Variants in MAGI1 observed in about 807,000 individuals in gnomAD.
MAGI1 encodes the protein membrane associated guanylate kinase, WW and PDZ domain containing 1.
MAGI1 carries 58 observed loss-of-function variants against 139.9 expected under a neutral mutation model. The ratio of observed to expected loss-of-function variants is 0.41; its 90% confidence interval spans 0.34 to 0.52. The LOEUF is 0.52. Among genes scored for constraint, MAGI1 ranks in the 20% least tolerant of loss-of-function variants. The pLI, the probability that MAGI1 is intolerant of heterozygous loss-of-function variation, is 0.12. For missense variants in MAGI1, 1,874 were observed against 1,901.6 expected, an observed-to-expected ratio of 0.99 and a Z score of 0.27; for synonymous variants, 812 against 737.9, an observed-to-expected ratio of 1.10 and a Z score of -1.63.
intron 12 of MAGI1, among the ~76,000 whole-genome samples, chr3:65,426,152 T>G (rs922207029): frequency 7.2e-5 from 11 of 151,922 alleles, no homozygotes; most frequent in African/African-American, 2.7e-4. Flanking sequence ...AGCAGGGAGA[T>G]GTTGATGAAG....
chr3:65,533,271 G>C (rs146259232), intron 2 of MAGI1, among the ~76,000 whole-genome samples: 127 of 152,270 alleles, frequency 8.3e-4, no homozygotes, highest in African/African-American at 3.0e-3. Flanking sequence ...CACTGTGGTA[G>C]ACACTGGAGA....
chr3:65,814,114 A>C (rs762122801), intron 1 of MAGI1, among the ~76,000 whole-genome samples: 17 of 152,154 alleles, frequency 1.1e-4, no homozygotes, highest in Non-Finnish European at 2.5e-4. Context: ...GTGGCACCCC[A>C]GTATCTAGTA....
chr3:65,673,677 C>G (rs2107476104), intron 1 of MAGI1, among the ~76,000 whole-genome samples: 1 of 152,314 alleles, frequency 6.6e-6, no homozygotes, highest in South Asian at 2.1e-4. Flanking sequence ...TTCTCTGAAA[C>G]AACAGTCATT....
chr3:65,385,303 TA>T (rs1943357820), intron 14 of MAGI1, among the ~76,000 whole-genome samples: 1 of 152,168 alleles, frequency 6.6e-6, no homozygotes, highest in South Asian at 2.1e-4. Context: ...AATGTATACA[TA>T]GGGTGTTTTA....
chr3:65,510,611 A>T (rs2107748948), intron 2 of MAGI1, among the ~76,000 whole-genome samples: 1 of 126,076 alleles, frequency 7.9e-6, no homozygotes, highest in East Asian at 2.3e-4. Flanking sequence ...AGAAAAAAGA[A>T]TAAAAAGAAA....
In MAGI1 at chr3:65,627,987, C is replaced by T. The variant is rs1048353489; in HGVS notation, c.314-5899G>A. Among the ~76,000 whole-genome samples the T allele has an allele frequency of 5.9e-5, 9 of 152,154 alleles. No individual in the cohort carries two copies. The East Asian group carries it at 1.7e-3, about 29-fold the overall frequency. On this transcript the variant is annotated intron_variant, in intron 1 of 22. Coordinates refer to ENST00000402939, the MANE Select transcript of MAGI1 (RefSeq NM_001033057.2). Reference sequence around the variant, plus strand: ...TAAAATAAACCACAATTTATTTATCCTTCATAGAAAATTAAGCTATTTCCA... The same window carrying T: ...TAAAATAAACCACAATTTATTTATCTTTCATAGAAAATTAAGCTATTTCCA...
At chr3:65,865,593 C>G (rs193019516) in intron 1 of MAGI1, among the ~76,000 whole-genome samples, 429 of 152,254 alleles carry the variant, frequency 2.8e-3, no homozygotes, top group Middle Eastern at 0.027. Context: ...GAGATCCTGT[C>G]TCAAAAAATA....
chr3:65,385,965 A>G (rs1198307273), intron 14 of MAGI1, among the ~76,000 whole-genome samples: 4 of 152,226 alleles, frequency 2.6e-5, no homozygotes, highest in African/African-American at 9.6e-5. Context: ...TTACTGAAAT[A>G]GACCACTGGT....
At chr3:65,548,714 G>C (rs1269370651) in intron 2 of MAGI1, among the ~76,000 whole-genome samples, 1 of 151,718 alleles carries the variant, frequency 6.6e-6, no homozygotes, top group Non-Finnish European at 1.5e-5. Context: ...ATAGAGAGGG[G>C]GTTTCATCAT....
intron 1 of MAGI1, among the ~76,000 whole-genome samples, chr3:66,003,303 C>T (rs565362130): frequency 6.2e-4 from 95 of 152,252 alleles, no homozygotes; most frequent in Admixed American, 6.1e-3. Flanking sequence ...ACCACAGCAA[C>T]TGCAATTCAG....
rs773908957 is a variant in MAGI1 at position 66,038,015 on chromosome 3, G to A, written c.294C>T (p.Thr98=). ...GVIDSCKEAV[T]FKAVRQGGRL... is the part of the protein sequence containing the mutation. ...CCTTACCTTGTCTGACGGCCTTGAA[G>A]GTGACGGCCTCCTTGCAGCTGTCGA... The change falls in exon 1 of 23, where the codon ACC becomes ACT. Residue 98 remains threonine (T), a synonymous_variant. Transcript: ENST00000402939. 9 of 1,594,306 alleles carry A rather than the reference G, an allele frequency of 5.6e-6. No individual in the cohort carries two copies. Among genetic ancestry groups the A allele is most frequent in the African/African-American group, 2.7e-5 (2 of 74,670 alleles).
intron 1 of MAGI1, among the ~76,000 whole-genome samples, chr3:65,697,754 C>T (rs1329612386): frequency 9.4e-6 from 1 of 106,082 alleles, no homozygotes; most frequent in African/African-American, 4.7e-5. Context: ...TATGACAAAC[C>T]CACAGCCAAT....
intron 2 of MAGI1, among the ~76,000 whole-genome samples, chr3:65,574,243 A>G (rs11719951): frequency 1.7e-5 from 2 of 120,264 alleles, no homozygotes; most frequent in East Asian, 2.8e-4. Flanking sequence ...ATATATATGT[A>G]TATATATATA....
At chr3:65,604,580 T>C (rs1524964) in intron 2 of MAGI1, among the ~76,000 whole-genome samples, 32,945 of 152,066 alleles carry the variant, frequency 0.22, 3,715 homozygotes, top group Middle Eastern at 0.3. Flanking sequence ...CAGTTATTTA[T>C]ATATTCATAG....
At chr3:65,392,283 G>A (rs574697713) in intron 13 of MAGI1, among the ~76,000 whole-genome samples, 28 of 152,268 alleles carry the variant, frequency 1.8e-4, no homozygotes, top group African/African-American at 6.7e-4. Flanking sequence ...ATAGTGGGTA[G>A]AACAGAAAAT....
intron 6 of MAGI1, among the ~76,000 whole-genome samples, chr3:65,449,537 G>A (rs1948891471): frequency 6.6e-6 from 1 of 152,086 alleles, no homozygotes; most frequent in Non-Finnish European, 1.5e-5. Context: ...CACTTTGGGA[G>A]GCCAAAGTGG....
At chr3:65,842,391 G>C (rs74452518) in intron 1 of MAGI1, among the ~76,000 whole-genome samples, 1 of 145,500 alleles carries the variant, frequency 6.9e-6, no homozygotes, top group Non-Finnish European at 1.5e-5. Context: ...ACGGAGTTTC[G>C]CTCTTGTTGC....
chr3:65,483,244 C>T (rs946295797), intron 3 of MAGI1, among the ~76,000 whole-genome samples: 3 of 152,226 alleles, frequency 2.0e-5, no homozygotes, highest in Non-Finnish European at 2.9e-5. Flanking sequence ...GTGAACTGCC[C>T]TTACCGTGCA....
At chr3:65,533,055 G>A (rs796635533) in intron 2 of MAGI1, among the ~76,000 whole-genome samples, 5 of 152,208 alleles carry the variant, frequency 3.3e-5, no homozygotes, top group African/African-American at 9.6e-5. Context: ...ATAAACTTTT[G>A]GGGGGCATCC....
Sources: gnomAD v4.1 joint callset for allele counts (sites outside exome capture counted in the v4.1 genomes callset) on GRCh38, gnomAD v4.1.1 for gene constraint, MANE v1.5 for transcripts, NCBI Gene and HGNC (gene_info 2026-07-23, HGNC 2026-07-21) for gene names.